The following PTPRT variants were observed in gnomAD, a reference collection of about 807,000 sequenced individuals.
PTPRT encodes protein tyrosine phosphatase receptor type T.
PTPRT carries 56 observed loss-of-function variants against 176.8 expected under a neutral mutation model. That is an observed-to-expected ratio of 0.32 (90% CI 0.26 to 0.40). The LOEUF is 0.40. Among genes scored for constraint, PTPRT ranks in the 10% least tolerant of loss-of-function variants. The pLI is 1.00. For synonymous variants in PTPRT, 783 were observed against 739.0 expected (o/e 1.06, Z -0.96); for missense variants, 1,540 against 1,908.2 (o/e 0.81, Z 3.60).
chr20:42,443,426 C>G (rs552462022), intron 9 of PTPRT, among the ~76,000 whole-genome samples: 3 of 152,238 alleles, frequency 2.0e-5, no homozygotes, highest in Non-Finnish European at 4.4e-5. Flanking sequence ...GGTGCTGCCT[C>G]TATCTGTGCA....
rs139028693 is a variant in PTPRT at position 43,028,074 on chromosome 20, G to A, written c.89-142142C>T. On this transcript the variant is annotated intron_variant, in intron 1 of 30. Transcript: ENST00000373187. ...TTTTTAATGAAACATAAAAGGACAG[G>A]AAGAATATCAAATCATAAGGCAGAC... Among the ~76,000 whole-genome samples the A allele has an allele frequency of 9.8e-4, 150 of 152,320 alleles. 1 individual carries two copies. Among genetic ancestry groups the A allele is most frequent in the African/African-American group, 3.4e-3 (143 of 41,580 alleles).
At chr20:42,610,374 GTTTTGTTTTTTTT>G (rs1271404348) in intron 7 of PTPRT, among the ~76,000 whole-genome samples, 20 of 132,576 alleles carry the variant, frequency 1.5e-4, no homozygotes, top group African/African-American at 4.3e-4. Flanking sequence ...GGGTTTACTT[GTTTTGTTTTTTTT>G]TTTTGTTTTT....
chr20:42,367,297 G>A (rs1168263452), intron 9 of PTPRT, among the ~76,000 whole-genome samples: 2 of 152,158 alleles, frequency 1.3e-5, no homozygotes, highest in African/African-American at 4.8e-5. Context: ...TAGCACTTGG[G>A]AGACTGTCGA....
intron 15 of PTPRT, among the ~76,000 whole-genome samples, chr20:42,209,011 G>T (rs969588648): frequency 2.6e-4 from 39 of 152,098 alleles, no homozygotes; most frequent in East Asian, 5.8e-4. Context: ...ACCGCTCAAC[G>T]ACATGGAAAC....
chr20:42,909,854 C>T (rs2079522990), intron 1 of PTPRT, among the ~76,000 whole-genome samples: 1 of 152,188 alleles, frequency 6.6e-6, no homozygotes, highest in South Asian at 2.1e-4. Context: ...ACAACCGGGC[C>T]AGAAAACACT....
chr20:42,343,152 C>T (rs1211551913), intron 11 of PTPRT, among the ~76,000 whole-genome samples: 1 of 152,152 alleles, frequency 6.6e-6, no homozygotes, highest in Non-Finnish European at 1.5e-5. Flanking sequence ...TAGAAGTCCC[C>T]CACACTCTCC....
intron 1 of PTPRT, among the ~76,000 whole-genome samples, chr20:42,893,406 G>A (rs1270946246): frequency 6.6e-6 from 1 of 151,932 alleles, no homozygotes; most frequent in Non-Finnish European, 1.5e-5. Context: ...CTTTTACACT[G>A]TTGGTGGGAC....
intron 17 of PTPRT, among the ~76,000 whole-genome samples, chr20:42,157,349 C>CTT (rs11480507): frequency 7.2e-4 from 103 of 142,486 alleles, no homozygotes; most frequent in African/African-American, 1.3e-3. Flanking sequence ...TTTTCTTTTT[C>CTT]TTTTTTTTTT....
At chr20:42,525,370 T>TTA (rs1443031517) in intron 7 of PTPRT, among the ~76,000 whole-genome samples, 2 of 152,212 alleles carry the variant, frequency 1.3e-5, no homozygotes, top group African/African-American at 4.8e-5. Flanking sequence ...TACATAAGCT[T>TTA]TATTCAGGGT....
chr20:42,605,792 C>A (rs1027847606), intron 7 of PTPRT, among the ~76,000 whole-genome samples: 19 of 152,180 alleles, frequency 1.2e-4, no homozygotes, highest in African/African-American at 4.6e-4. Flanking sequence ...CTACCTCAGT[C>A]CACCGATTAG....
intron 13 of PTPRT, among the ~76,000 whole-genome samples, chr20:42,254,281 T>C (rs2056599071): frequency 6.6e-6 from 1 of 152,186 alleles, no homozygotes; most frequent in Admixed American, 6.5e-5. Context: ...GCCATGAGCC[T>C]TGCTACTCAA....
At chr20:42,630,895 A>G (rs1004714279) in intron 7 of PTPRT, among the ~76,000 whole-genome samples, 1 of 152,180 alleles carries the variant, frequency 6.6e-6, no homozygotes, top group Non-Finnish European at 1.5e-5. Context: ...TTGGCACCAC[A>G]GATATTCTCT....
At chr20:42,808,487 C>T (rs921211718) in intron 2 of PTPRT, among the ~76,000 whole-genome samples, 4 of 152,040 alleles carry the variant, frequency 2.6e-5, no homozygotes, top group African/African-American at 4.8e-5. Context: ...ATTTGGTGTC[C>T]TGGCCTGACT....
chr20:43,007,616 T>C (rs1202823626), intron 1 of PTPRT, among the ~76,000 whole-genome samples: 1 of 152,208 alleles, frequency 6.6e-6, no homozygotes, highest in Non-Finnish European at 1.5e-5. Context: ...CAGCAGACTT[T>C]TGAGACCATT....
chr20:42,254,982 C>A (rs1280812337), intron 13 of PTPRT, among the ~76,000 whole-genome samples: 6 of 152,054 alleles, frequency 3.9e-5, no homozygotes, highest in African/African-American at 1.4e-4. Flanking sequence ...CATGAGACTC[C>A]CATGCAGTCC....
Position 42,426,567 on chromosome 20 carries a change from G to C in PTPRT, c.1560+21653C>G, listed in dbSNP as rs116134960. 4.3e-3 allele frequency among the ~76,000 whole-genome samples: 659 copies of C among 152,310 alleles called. 4 individuals are homozygous for C. The highest frequency in any genetic ancestry group is 0.015 in the African/African-American group (634 of 41,566). Reference sequence around the variant, plus strand: ...CCAGGTACTAAGAGGACACTGAATTGGTTAACACTTAAGCCGTCTGCAGAT... The same window carrying C: ...CCAGGTACTAAGAGGACACTGAATTCGTTAACACTTAAGCCGTCTGCAGAT... On this transcript the variant is annotated intron_variant, in intron 9 of 30. Coordinates refer to ENST00000373187, the MANE Select transcript of PTPRT (RefSeq NM_007050.6).
chr20:42,621,244 G>A (rs2074190954), intron 7 of PTPRT, among the ~76,000 whole-genome samples: 1 of 152,036 alleles, frequency 6.6e-6, no homozygotes, highest in African/African-American at 2.4e-5. Context: ...CTCGGGCCTT[G>A]CCCACACCAA....
At chr20:42,277,934 G>C (rs1056960178) in intron 13 of PTPRT, among the ~76,000 whole-genome samples, 1 of 130,834 alleles carries the variant, frequency 7.6e-6, no homozygotes, top group Non-Finnish European at 1.7e-5. Flanking sequence ...CCATCCATTT[G>C]TTCATCCAAT....
At chr20:42,187,486 G>C (rs1990827782) in intron 16 of PTPRT, among the ~76,000 whole-genome samples, 1 of 152,130 alleles carries the variant, frequency 6.6e-6, no homozygotes, top group Non-Finnish European at 1.5e-5. Flanking sequence ...CTGAGCATAG[G>C]GGCTTTGCCC....
Sources: gnomAD v4.1 joint callset for allele counts (sites outside exome capture counted in the v4.1 genomes callset) on GRCh38, gnomAD v4.1.1 for gene constraint, MANE v1.5 for transcripts, NCBI Gene and HGNC (gene_info 2026-07-23, HGNC 2026-07-21) for gene names.